Variants in TYW1 observed in about 807,000 individuals in gnomAD.
The protein encoded by TYW1 is S-adenosyl-L-methionine-dependent tRNA 4-demethylwyosine synthase TYW1.
TYW1 carries 46 observed loss-of-function variants against 96.2 expected under a neutral mutation model. The observed-to-expected ratio is 0.48, with a 90% CI of 0.38 to 0.61. TYW1 has a LOEUF of 0.61. TYW1 is among the 20% of genes least tolerant of loss of function. The pLI is 0.00. For synonymous variants in TYW1, 274 were observed against 323.0 expected, an observed-to-expected ratio of 0.85 and a Z score of 1.63; for missense variants, 684 against 909.6, an observed-to-expected ratio of 0.75 and a Z score of 3.19.
At position 67,239,105 on chromosome 7, in the gene TYW1, C is replaced by T. The variant is rs535249407; in HGVS notation, c.*576C>T. On this transcript the variant is annotated 3_prime_UTR_variant, in exon 16 of 16. Transcript: ENST00000359626. ...ATTGAGTTTTGGTTTATTACCAACC[C>T]TTCCCAGAATTGCGTTGGATCTAAA... is the stretch of plus-strand genomic sequence containing the variant. 2.4e-5 allele frequency: 24 copies of T among 986,434 alleles called. 1 individual carries two copies. Among genetic ancestry groups the T allele is most frequent in the Middle Eastern group, 1.0e-3 (2 of 1,916 alleles). The allele number at this position is 986,434 out of a possible 1,614,324, so 61.1% of individuals were successfully genotyped here.
chr7:67,053,505 G>A (rs546686830), intron 8 of TYW1, among the ~76,000 whole-genome samples: 1 of 151,140 alleles, frequency 6.6e-6, no homozygotes, highest in East Asian at 2.0e-4. Flanking sequence ...TCAGCCTCCC[G>A]AGTAGCTGGG....
chr7:67,002,587 C>G (rs1793439523), intron 3 of TYW1, among the ~76,000 whole-genome samples: 1 of 151,926 alleles, frequency 6.6e-6, no homozygotes, highest in African/African-American at 2.4e-5. Context: ...TCCTTGATTT[C>G]TGGAAATTTT....
chr7:67,041,674 C>T (rs1795028047), intron 7 of TYW1, among the ~76,000 whole-genome samples: 1 of 152,288 alleles, frequency 6.6e-6, no homozygotes, highest in African/African-American at 2.4e-5. Flanking sequence ...TGACACACCA[C>T]ATGAAATTGC....
chr7:67,069,522 T>G (rs1795968933), intron 10 of TYW1, among the ~76,000 whole-genome samples: 1 of 152,202 alleles, frequency 6.6e-6, no homozygotes, highest in Admixed American at 6.5e-5. Context: ...GTGGAGCATT[T>G]GAGCCCAGGG....
In TYW1 at chr7:67,195,266, G is replaced by T. The variant is rs533783611; in HGVS notation, c.1906G>T (p.Asp636Tyr). The change falls in exon 15 of 16, where the codon GAT becomes TAT. Residue 636 changes from aspartate to tyrosine, a missense_variant. Asp to Tyr is a radical substitution (Grantham distance 160). Coordinates refer to ENST00000359626, the MANE Select transcript of TYW1 (RefSeq NM_018264.4). The part of the protein sequence containing the change: ...EVVQFVHELV[D>Y]LIPEYEIACE... ...GGTACAGTTTGTCCACGAGTTGGTG[G>T]ATCTGATCCCCGAATATGAAATTGC... 39 of 1,605,390 alleles carry T rather than the reference G, an allele frequency of 2.4e-5. No individual in the cohort carries two copies. In the East Asian group the frequency reaches 7.4e-4, roughly 30 times the overall value.
At chr7:67,088,355 G>GA (rs36069960) in intron 11 of TYW1, among the ~76,000 whole-genome samples, 5,827 of 147,740 alleles carry the variant, frequency 0.039, 52 homozygotes, top group Admixed American at 0.055. Flanking sequence ...TAATAGAAAA[G>GA]AAAAAAAAAA....
chr7:67,170,624 C>T (rs34344363), intron 13 of TYW1, among the ~76,000 whole-genome samples: 42,724 of 151,882 alleles, frequency 0.28, 6,519 homozygotes, highest in African/African-American at 0.4. Context: ...TTTTTATTAC[C>T]CCAACATAGA....
At position 67,170,887 on chromosome 7, in the gene TYW1, T is replaced by C. The variant is rs1799494395; in HGVS notation, c.1699-12239T>C. Among the ~76,000 whole-genome samples, 12 of 152,342 alleles carry C rather than the reference T, an allele frequency of 7.9e-5. No homozygotes were observed. In the South Asian group the frequency reaches 2.5e-3, roughly 32 times the overall value. ...CATCATAAGGGATTGGATTATAGTT[T>C]TCTGGTGATGTCTTTTTCTGGTTTG... On this transcript the variant is annotated intron_variant, in intron 13 of 15. Transcript: ENST00000359626.
At position 67,018,125 on chromosome 7, in the gene TYW1, G is replaced by A. The variant is rs765228555; in HGVS notation, c.843G>A (p.Leu281=). ...REEGSHEQDE[L]HHRDTEEEEP... is the part of the protein sequence containing the mutation. ...AAGGATCTCATGAGCAGGATGAATTGCATCATAGAGACACCGAGGTATACC... is the reference window on the plus strand; with the variant it reads ...AAGGATCTCATGAGCAGGATGAATTACATCATAGAGACACCGAGGTATACC... The change falls in exon 6 of 16, where the codon TTG becomes TTA. Residue 281 remains leucine, a synonymous_variant. Transcript: ENST00000359626. The A allele has an allele frequency of 1.1e-4, 175 of 1,613,616 alleles. 1 individual carries two copies. The South Asian group carries it at 1.9e-3, about 17-fold the overall frequency.
chr7:67,205,768 C>T (rs1800775179), intron 15 of TYW1, among the ~76,000 whole-genome samples: 1 of 151,462 alleles, frequency 6.6e-6, no homozygotes, highest in Non-Finnish European at 1.5e-5. Flanking sequence ...TCCTGCTGTC[C>T]TAAGAGAGCA....
At position 67,015,958 on chromosome 7, in the gene TYW1, G is replaced by C. The variant is rs1794007070; in HGVS notation, c.570+1397G>C. Among the ~76,000 whole-genome samples, 4 of 140,222 alleles carry C rather than the reference G, an allele frequency of 2.9e-5. 1 individual carries two copies. The highest frequency in any genetic ancestry group is 1.1e-4 in the African/African-American group (4 of 37,770). The allele number at this position is 140,222 out of a possible 152,430, so 92.0% of individuals were successfully genotyped here. On this transcript the variant is annotated intron_variant, in intron 5 of 15. Transcript: ENST00000359626. ...AGCCTGGGCAACAGAGTGAGACTAT[G>C]TCTCAAAAAAAAAAAAAGATCATGA...
chr7:67,017,954 C>G lies in TYW1; in HGVS notation c.672C>G (p.Ser224Arg), dbSNP rs1359679132. 1 of 1,614,124 alleles carries G rather than the reference C, an allele frequency of 6.2e-7. No homozygotes were observed. The change falls in exon 6 of 16, where the codon AGC becomes AGG. Residue 224 changes from serine (S) to arginine (R), a missense_variant. Coordinates refer to ENST00000359626, the MANE Select transcript of TYW1 (RefSeq NM_018264.4). ...DCDVVKSKHG[S>R]IEADFRAWKT... is the part of the protein sequence containing the mutation. ...ACGTGGTTAAAAGCAAGCACGGCAG[C>G]ATTGAGGCCGACTTCAGAGCATGGA...
At chr7:67,135,302 G>GTTTTGT (rs1798212248) in intron 13 of TYW1, among the ~76,000 whole-genome samples, 1 of 111,818 alleles carries the variant, frequency 8.9e-6, no homozygotes, top group South Asian at 3.2e-4. Flanking sequence ...TGTTAAAACA[G>GTTTTGT]TTTTTTTTTT....
intron 15 of TYW1, among the ~76,000 whole-genome samples, chr7:67,208,276 G>T (rs1387413514): frequency 2.6e-5 from 4 of 152,100 alleles, no homozygotes; most frequent in Non-Finnish European, 5.9e-5. Context: ...AGCAGAGATT[G>T]TGCCACCGCA....
At chr7:67,038,251 C>G (rs990879824) in intron 7 of TYW1, among the ~76,000 whole-genome samples, 1 of 152,008 alleles carries the variant, frequency 6.6e-6, no homozygotes, top group African/African-American at 2.4e-5. Flanking sequence ...TGCAGTGAGC[C>G]TAGATTACGC....
Position 66,996,884 on chromosome 7 carries a change from A to G in TYW1, c.-95A>G. 1 of 1,596,546 alleles carries G rather than the reference A, an allele frequency of 6.3e-7. No homozygotes were observed. Among genetic ancestry groups the G allele is most frequent in the Non-Finnish European group, 8.5e-7 (1 of 1,170,652 alleles). On this transcript the variant is annotated 5_prime_UTR_variant, in exon 1 of 16. Transcript: ENST00000359626. ...TCTGCAGGCACTCGGTACGCCGCTA[A>G]CGCGGCGAGGTAGCTCGGTGCGTCT... is the stretch of plus-strand genomic sequence containing the variant.
intron 9 of TYW1, among the ~76,000 whole-genome samples, chr7:67,061,735 G>C (rs1352641335): frequency 6.6e-6 from 1 of 152,132 alleles, no homozygotes; most frequent in Non-Finnish European, 1.5e-5. Context: ...GAATACTAAT[G>C]GTTGGTGAAT....
chr7:67,143,270 GAGAT>G (rs1486848010), intron 13 of TYW1, among the ~76,000 whole-genome samples: 1 of 152,140 alleles, frequency 6.6e-6, no homozygotes, highest in Non-Finnish European at 1.5e-5. Context: ...GTTTGTGTGG[GAGAT>G]AGATAGTTTC....
intron 8 of TYW1, among the ~76,000 whole-genome samples, chr7:67,053,233 T>C (rs1027305652): frequency 1.3e-4 from 20 of 151,752 alleles, no homozygotes; most frequent in Admixed American, 5.9e-4. Context: ...ACACTTCTAT[T>C]TGTAGTCTAC....
Sources: allele counts gnomAD v4.1 joint callset (sites outside exome capture counted in the v4.1 genomes callset), GRCh38; gene constraint gnomAD v4.1.1; transcripts MANE v1.5; gene names NCBI Gene and HGNC (gene_info 2026-07-23, HGNC 2026-07-21).